Variants in SPATS2L observed in about 807,000 individuals in gnomAD.
The protein encoded by SPATS2L is spermatogenesis associated serine rich 2 like.
SPATS2L carries 30 observed loss-of-function variants against 59.6 expected under a neutral mutation model. The observed-to-expected ratio is 0.50, with a 90% CI of 0.38 to 0.68. The LOEUF is 0.68. Among genes scored for constraint, SPATS2L ranks in the 30% least tolerant of loss-of-function variants. The pLI is 0.00. For missense variants in SPATS2L, 615 were observed against 700.0 expected, an observed-to-expected ratio of 0.88 and a Z score of 1.37; for synonymous variants, 252 against 263.5, an observed-to-expected ratio of 0.96 and a Z score of 0.42.
At chr2:200,359,980 A>G (rs1456100500) in intron 2 of SPATS2L, among the ~76,000 whole-genome samples, 1 of 152,206 alleles carries the variant, frequency 6.6e-6, no homozygotes, top group East Asian at 1.9e-4. Flanking sequence ...GTAAGAATAT[A>G]TTGGAGCTTA....
intron 8 of SPATS2L, among the ~76,000 whole-genome samples, chr2:200,448,601 A>G (rs542614232): frequency 1.3e-5 from 2 of 152,338 alleles, no homozygotes; most frequent in South Asian, 4.1e-4. Context: ...TGCTCTGGAA[A>G]TGAATACAAT....
intron 3 of SPATS2L, chr2:200,389,967 T>G (rs147263831): frequency 3.2e-4 from 49 of 152,318 alleles, no homozygotes; most frequent in African/African-American, 1.2e-3. Flanking sequence ...TGAAGATAAA[T>G]TTGTCCAACC....
chr2:200,439,389 G>C, intron 7 of SPATS2L, 61 bp downstream of exon 7: 2 of 1,416,298 alleles, frequency 1.4e-6, no homozygotes, highest in South Asian at 2.4e-5. Context: ...AAAAGTGCCA[G>C]AGTGACAGAA....
chr2:200,475,116 G>A lies in SPATS2L; in HGVS notation c.1281+2064G>A, dbSNP rs766416940. Among the ~76,000 whole-genome samples, 7 of 152,184 alleles carry A rather than the reference G, an allele frequency of 4.6e-5. No individual in the cohort carries two copies. The South Asian group carries it at 6.2e-4, about 14-fold the overall frequency. The stretch of plus-strand genomic sequence containing the variant: ...CCGCTGGAAGGGTGGGAGTGGAGGC[G>A]ATGCTTAGGTGTGCAGGCTGGAATG... On this transcript the variant is annotated intron_variant, in intron 12 of 12. Transcript: ENST00000409140.
intron 10 of SPATS2L, among the ~76,000 whole-genome samples, chr2:200,468,085 T>G (rs1271426279): frequency 6.6e-6 from 1 of 151,800 alleles, no homozygotes; most frequent in African/African-American, 2.4e-5. Context: ...CATGGGACCA[T>G]CAGCCCTGTA....
intron 8 of SPATS2L, among the ~76,000 whole-genome samples, chr2:200,443,790 A>G (rs2084854403): frequency 6.6e-6 from 1 of 152,204 alleles, no homozygotes; most frequent in Non-Finnish European, 1.5e-5. Flanking sequence ...AGAGGCTGGG[A>G]GCAAGCTGTT....
chr2:200,361,074 A>AC (rs2081086659), intron 2 of SPATS2L, among the ~76,000 whole-genome samples: 2 of 96,092 alleles, frequency 2.1e-5, no homozygotes, highest in African/African-American at 8.6e-5. Flanking sequence ...ACTATTCCCC[A>AC]CCCCACCCCC....
intron 3 of SPATS2L, among the ~76,000 whole-genome samples, chr2:200,404,288 T>C (rs552344201): frequency 1.3e-5 from 2 of 152,334 alleles, no homozygotes; most frequent in South Asian, 2.1e-4. Context: ...AGGTGAAAGA[T>C]AGGGGAACCT....
intron 2 of SPATS2L, among the ~76,000 whole-genome samples, chr2:200,347,896 T>C (rs537362588): frequency 9.8e-5 from 15 of 152,336 alleles, no homozygotes; most frequent in South Asian, 2.1e-4. Context: ...TATCAAAATA[T>C]ATATCTTCTA....
chr2:200,455,040 A>T (rs2085738867), intron 8 of SPATS2L, among the ~76,000 whole-genome samples: 2 of 152,228 alleles, frequency 1.3e-5, no homozygotes, highest in South Asian at 2.1e-4. Context: ...GGTGAGTATC[A>T]TGACACCTTT....
intron 3 of SPATS2L, among the ~76,000 whole-genome samples, chr2:200,409,661 A>T (rs1559106690): frequency 6.6e-6 from 1 of 152,080 alleles, no homozygotes. Context: ...AGCAGAAACT[A>T]TTTTTTTCCC....
chr2:200,327,929 T>C (rs2079811521), intron 1 of SPATS2L, among the ~76,000 whole-genome samples: 2 of 152,212 alleles, frequency 1.3e-5, no homozygotes, highest in African/African-American at 4.8e-5. Flanking sequence ...TGGTATACTT[T>C]ATTAAAGAAA....
At chr2:200,406,954 C>T (rs1201049848) in intron 3 of SPATS2L, among the ~76,000 whole-genome samples, 7 of 152,076 alleles carry the variant, frequency 4.6e-5, no homozygotes, top group Non-Finnish European at 1.0e-4. Flanking sequence ...TCCACTGACC[C>T]CTTAGCAAGT....
chr2:200,407,165 T>A (rs937731608), intron 3 of SPATS2L, among the ~76,000 whole-genome samples: 1 of 151,822 alleles, frequency 6.6e-6, no homozygotes, highest in Non-Finnish European at 1.5e-5. Context: ...TGAAACACTT[T>A]ACAGGCATCA....
intron 1 of SPATS2L, among the ~76,000 whole-genome samples, chr2:200,311,888 G>T (rs2079203724): frequency 6.6e-6 from 1 of 152,136 alleles, no homozygotes; most frequent in African/African-American, 2.4e-5. Flanking sequence ...ATTACTGAAA[G>T]GATTTGGATA....
intron 2 of SPATS2L, among the ~76,000 whole-genome samples, chr2:200,331,463 G>T (rs1250438070): frequency 1.3e-5 from 2 of 152,140 alleles, no homozygotes; most frequent in Non-Finnish European, 2.9e-5. Flanking sequence ...CACACATTTT[G>T]CTCTGATCTC....
At position 200,437,490 on chromosome 2, in the gene SPATS2L, G is replaced by A. The variant is rs566288076; in HGVS notation, c.446-1632G>A. Among the ~76,000 whole-genome samples, 37 of 152,266 alleles carry A rather than the reference G, an allele frequency of 2.4e-4. No homozygotes were observed. In the Middle Eastern group the frequency reaches 0.01, roughly 42 times the overall value. ...GTTCGGGAAGTTGCATGTGTAATAA[G>A]TACCAAGGGAAACTCATTTCACACT... On this transcript the variant is annotated intron_variant, in intron 6 of 12. Coordinates refer to ENST00000409140, the MANE Select transcript of SPATS2L (RefSeq NM_001100423.2).
At chr2:200,399,219 T>C (rs2082445383) in intron 3 of SPATS2L, among the ~76,000 whole-genome samples, 1 of 152,140 alleles carries the variant, frequency 6.6e-6, no homozygotes, top group Non-Finnish European at 1.5e-5. Context: ...ACAGCAGTTC[T>C]CCATTTCCTC....
Position 200,367,966 on chromosome 2 carries a change from ATAAGAAAG to A in SPATS2L, c.-22-21247_-22-21240del, listed in dbSNP as rs556727996. 1.6e-4 allele frequency among the ~76,000 whole-genome samples: 25 copies of A among 152,384 alleles called. 1 individual carries two copies. The South Asian group carries it at 5.2e-3, about 32-fold the overall frequency. On this transcript the variant is annotated intron_variant, in intron 2 of 12. Transcript: ENST00000409140. Reference sequence around the variant, plus strand: ...TTAATTTGGTATTCAAAACAGCGTTATAAGAAAGTAAGAAAGTTTTCATTATAAAAAGG... The same window carrying A: ...TTAATTTGGTATTCAAAACAGCGTTATAAGAAAGTTTTCATTATAAAAAGG...
Sources: gnomAD v4.1 joint callset for allele counts (sites outside exome capture counted in the v4.1 genomes callset) on GRCh38, gnomAD v4.1.1 for gene constraint, MANE v1.5 for transcripts, NCBI Gene and HGNC (gene_info 2026-07-23, HGNC 2026-07-21) for gene names.